FAT2: variants seen among roughly 807,000 people sequenced by gnomAD.
FAT2 encodes the protein FAT atypical cadherin 2, also known as protocadherin Fat 2.
A neutral mutation model predicts 295.3 loss-of-function variants in FAT2; 150 were observed. That is an observed-to-expected ratio of 0.51 (90% CI 0.44 to 0.58). The LOEUF is 0.58. Among genes scored for constraint, FAT2 ranks in the 20% least tolerant of loss-of-function variants. The pLI is 0.00. For missense variants in FAT2, 4,868 were observed against 5,442.7 expected, an observed-to-expected ratio of 0.89 and a Z score of 3.32; for synonymous variants, 2,026 against 2,150.3, an observed-to-expected ratio of 0.94 and a Z score of 1.60.
Position 151,573,935 on chromosome 5 carries a change from G to T in FAT2, c.-20-4984C>A, listed in dbSNP as rs149833523. ...GGGGAATCCAAGCAGAATCTGGGTG[G>T]CCACCTGAGGAGCATATTCTACTGT... On this transcript the variant is annotated intron_variant, in intron 1 of 23. Coordinates refer to ENST00000261800, the MANE Select transcript of FAT2 (RefSeq NM_001447.3). Among the ~76,000 whole-genome samples the T allele has an allele frequency of 7.1e-4, 108 of 152,248 alleles. 2 individuals are homozygous for T. The highest frequency in any genetic ancestry group is 2.5e-3 in the African/African-American group (102 of 41,544).
chr5:151,592,046 T>C (rs1006392598), upstream of FAT2, among the ~76,000 whole-genome samples: 5 of 152,188 alleles, frequency 3.3e-5, no homozygotes, highest in African/African-American at 1.2e-4. Context: ...GTTGTACAGA[T>C]TCATGAGACC....
chr5:151,560,347 A>G (rs1477547618), intron 3 of FAT2, among the ~76,000 whole-genome samples: 1 of 152,226 alleles, frequency 6.6e-6, no homozygotes, highest in African/African-American at 2.4e-5. Context: ...AGCATAGAGC[A>G]GGTAACTCAC....
chr5:151,582,838 A>G (rs1345959397), intron 1 of FAT2, among the ~76,000 whole-genome samples: 2 of 152,142 alleles, frequency 1.3e-5, no homozygotes, highest in Non-Finnish European at 2.9e-5. Context: ...TTTCCTCTGT[A>G]GGTGGTCTGC....
Position 151,542,619 on chromosome 5 carries a change from C to G in FAT2, c.8508G>C (p.Leu2836=). Residue 2836 remains leucine, a synonymous_variant, in exon 10 of 24, where the codon CTG becomes CTC. Transcript: ENST00000261800. Reference sequence around the variant, plus strand: ...GGACATTGCTACCAGGGTCTGCAGACAGCCTGTAGCTCACCTGGCCATCTC... The same window carrying G: ...GGACATTGCTACCAGGGTCTGCAGAGAGCCTGTAGCTCACCTGGCCATCTC... The part of the protein sequence containing the change: ...TGRDGQVSYR[L]SADPGSNVHE... 2 of 1,614,212 alleles carry G rather than the reference C, an allele frequency of 1.2e-6. No homozygotes were observed. The highest frequency in any genetic ancestry group is 8.5e-7 in the Non-Finnish European group (1 of 1,180,028).
intron 1 of FAT2, among the ~76,000 whole-genome samples, chr5:151,589,430 T>C (rs2127665994): frequency 6.6e-6 from 1 of 152,280 alleles, no homozygotes; most frequent in Non-Finnish European, 1.5e-5. Flanking sequence ...CTAGCTGACA[T>C]CATGGATTCA....
chr5:151,550,928 G>C, intron 7 of FAT2, 57 bp from the exon 8 acceptor site: 1 of 1,549,186 alleles, frequency 6.5e-7, no homozygotes, highest in Non-Finnish European at 8.8e-7. Flanking sequence ...ACAGGGACTG[G>C]GTCTGTCTGG....
chr5:151,568,692 AT>A lies in FAT2; in HGVS notation c.239del (p.Asn80MetfsTer16). 1.2e-6 allele frequency: 2 copies of A among 1,614,136 alleles called. No individual in the cohort carries two copies. The highest frequency in any genetic ancestry group is 1.7e-6 in the Non-Finnish European group (2 of 1,180,028). The stretch of plus-strand genomic sequence containing the variant: ...CCACATACTCCTCAGTTTTAAATAC[AT>A]TGGCCACATCCCCAGAGATGATCCG... ...RYRIISGDVA[N>X]VFKTEEYVVG... On this transcript the variant is annotated frameshift_variant, in exon 2 of 24. Transcript: ENST00000261800. LOFTEE classifies it high-confidence loss of function.
Position 151,566,187 on chromosome 5 carries a change from C to A in FAT2, c.2745G>T (p.Leu915Phe). Residue 915 changes from leucine to phenylalanine, a missense_variant, in exon 2 of 24, where the codon TTG becomes TTT. By Grantham distance (22) the Leu-to-Phe change is conservative. Coordinates refer to ENST00000261800, the MANE Select transcript of FAT2 (RefSeq NM_001447.3). ...LFSVTDLIITLEDVNDNSPQC... is the reference protein window; with the variant it reads ...LFSVTDLIITFEDVNDNSPQC... ...GGGGAGAGTTGTCGTTGACATCCTC[C>A]AATGTGATTATCAGGTCAGTGACAG... The A allele has an allele frequency of 6.2e-7, 1 of 1,614,114 alleles. No individual in the cohort carries two copies. Among genetic ancestry groups the A allele is most frequent in the Non-Finnish European group, 8.5e-7 (1 of 1,180,020 alleles).
At position 151,542,386 on chromosome 5, in the gene FAT2, G is replaced by T. The variant is rs775369235; in HGVS notation, c.8741C>A (p.Ser2914Tyr). The change falls in exon 10 of 24, where the codon TCT becomes TAT. Residue 2914 changes from serine (S) to tyrosine (Y), a missense_variant. Coordinates refer to ENST00000261800, the MANE Select transcript of FAT2 (RefSeq NM_001447.3). ...GCCAGGCTCACTGTTCTCAACCACA[G>T]ATCCTCTGTACTCTTCAGAAGCAAA... ...PRFASEEYRG[S>Y]VVENSEPGEL... 1 of 1,614,172 alleles carries T rather than the reference G, an allele frequency of 6.2e-7. No individual in the cohort carries two copies. Among genetic ancestry groups the T allele is most frequent in the East Asian group, 2.2e-5 (1 of 44,884 alleles).
At position 151,543,657 on chromosome 5, in the gene FAT2, T is replaced by C; in HGVS notation, c.7470A>G (p.Leu2490=). ...TGGTTCCAACCATTGCATTCTCTGC[T>C]AATTCTGCCTCATAAAGGTGCTGCT... ...EFQQHLYEAE[L]AENAMVGTKV... Residue 2490 remains leucine, a synonymous_variant, in exon 10 of 24, where the codon TTA becomes TTG. Transcript: ENST00000261800. 1 of 1,614,220 alleles carries C rather than the reference T, an allele frequency of 6.2e-7. No homozygotes were observed. The highest frequency in any genetic ancestry group is 1.1e-5 in the South Asian group (1 of 91,090).
At chr5:151,560,846 TG>T (rs1210431519) in intron 3 of FAT2, among the ~76,000 whole-genome samples, 1 of 152,204 alleles carries the variant, frequency 6.6e-6, no homozygotes, top group Non-Finnish European at 1.5e-5. Context: ...AACAAAACAT[TG>T]TGGATGCTGG....
intron 2 of FAT2, among the ~76,000 whole-genome samples, chr5:151,565,071 T>A (rs1381712047): frequency 6.6e-6 from 1 of 151,840 alleles, no homozygotes; most frequent in African/African-American, 2.4e-5. Context: ...CAAGACTCCA[T>A]CTCAAAAAAA....
In FAT2 at chr5:151,566,031, G is replaced by A. The variant is rs201107613; in HGVS notation, c.2901C>T (p.Gly967=). The A allele has an allele frequency of 4.7e-5, 76 of 1,614,072 alleles. No individual in the cohort carries two copies. Among genetic ancestry groups the A allele is most frequent in the Non-Finnish European group, 4.9e-5 (58 of 1,180,024 alleles). Reference sequence around the variant, plus strand: ...GGTCCACCCGGAAGGTCCCATGGGCGCCATCCATCAGAACATATCGCACTT... The same window carrying A: ...GGTCCACCCGGAAGGTCCCATGGGCACCATCCATCAGAACATATCGCACTT... ...AGEVRYVLMD[G]AHGTFRVDLM... Residue 967 remains glycine (G), a synonymous_variant, in exon 2 of 24, where the codon GGC becomes GGT. Transcript: ENST00000261800.
Position 151,553,387 on chromosome 5 carries a change from T to G in FAT2, c.3946A>C (p.Ile1316Leu). 6.2e-7 allele frequency: 1 copy of G among 1,613,936 alleles called. No homozygotes were observed. Among genetic ancestry groups the G allele is most frequent in the Non-Finnish European group, 8.5e-7 (1 of 1,179,930 alleles). Residue 1316 changes from isoleucine to leucine, a missense_variant and splice_region_variant, in exon 6 of 24, where the codon ATC becomes CTC. By Grantham distance (5) the Ile-to-Leu change is conservative. Around this residue, in one of 5 missense-constraint regions of FAT2, gnomAD observed 3,297 missense variants for 3,669.4 expected, o/e 0.90. Transcript: ENST00000261800. ...FTAGEYNILT[I>L]KATDSGQPPL... The stretch of plus-strand genomic sequence containing the variant: ...GGCTGCCCACTGTCTGTTGCCTTGA[T>G]CTGAAAGGAGGCCAACACCAAAACT...
At position 151,504,431 on chromosome 5, in the gene FAT2, T is replaced by C. The variant is rs1254937927; in HGVS notation, c.*1134A>G. 1 of 152,682 alleles carries C rather than the reference T, an allele frequency of 6.5e-6. No homozygotes were observed. The highest frequency in any genetic ancestry group is 1.9e-4 in the East Asian group (1 of 5,192). 9.5% of individuals were successfully genotyped at this position (152,682 alleles called of 1,614,324 possible). The stretch of plus-strand genomic sequence containing the variant: ...TCTACACATGTGTACACACGTACTA[T>C]CCATGGGCACCCACATGTGTAGACA... On this transcript the variant is annotated 3_prime_UTR_variant, in exon 24 of 24. Coordinates refer to ENST00000261800, the MANE Select transcript of FAT2 (RefSeq NM_001447.3).
In FAT2 at chr5:151,555,367, C is replaced by CTT. The variant is rs912481589; in HGVS notation, c.3634-696_3634-695dup. Among the ~76,000 whole-genome samples, 1,143 of 123,058 alleles carry CTT rather than the reference C, an allele frequency of 9.3e-3. 23 individuals are homozygous for CTT. Among genetic ancestry groups the CTT allele is most frequent in the African/African-American group, 0.028 (885 of 31,826 alleles). The allele number at this position is 123,058 out of a possible 152,430, so 80.7% of individuals were successfully genotyped here. A position where few individuals can be genotyped will look rare whatever the true frequency, so the allele number is the denominator to read the frequency against. ...GCTACTTCTTACTAATAATATATTTCTTTTTTTTTTTTTTTTTTTTTGAGA... is the reference window on the plus strand; with the variant it reads ...GCTACTTCTTACTAATAATATATTTCTTTTTTTTTTTTTTTTTTTTTTTGAGA... On this transcript the variant is annotated intron_variant, in intron 4 of 23. Transcript: ENST00000261800.
chr5:151,545,333 A>G lies in FAT2; in HGVS notation c.5794T>C (p.Phe1932Leu), dbSNP rs1756516326. 6.2e-7 allele frequency: 1 copy of G among 1,614,056 alleles called. No homozygotes were observed. The highest frequency in any genetic ancestry group is 1.3e-5 in the African/African-American group (1 of 74,928). The change falls in exon 10 of 24, where the codon TTC becomes CTC. Residue 1932 changes from phenylalanine (F) to leucine (L), a missense_variant. Phe to Leu is a conservative substitution (Grantham distance 22). This residue lies in a region of FAT2 where 3,297 missense variants were observed against 3,669.4 expected (regional missense o/e 0.90). Coordinates refer to ENST00000261800, the MANE Select transcript of FAT2 (RefSeq NM_001447.3). ...TGSISVLNPA[F>L]LGLSRKLTIR... ...GTGAGCTTCCGAGAGAGTCCCAGGA[A>G]AGCAGGATTCAGCACAGATATGCTA...
chr5:151,571,765 A>G (rs374748895), intron 1 of FAT2, among the ~76,000 whole-genome samples: 1 of 152,230 alleles, frequency 6.6e-6, no homozygotes, highest in African/African-American at 2.4e-5. Context: ...TTCCTAGTTC[A>G]CAACACCCAG....
At chr5:151,548,744 G>T (rs1002503687) in intron 9 of FAT2, among the ~76,000 whole-genome samples, 29 of 152,144 alleles carry the variant, frequency 1.9e-4, no homozygotes, top group Admixed American at 5.2e-4. Flanking sequence ...GCCTCCCAAA[G>T]TGCTAGGATT....
Sources: allele counts gnomAD v4.1 joint callset (sites outside exome capture counted in the v4.1 genomes callset), GRCh38; gene constraint gnomAD v4.1.1; regional missense constraint gnomAD v4.1.1; transcripts MANE v1.5; gene names NCBI Gene and HGNC (gene_info 2026-07-23, HGNC 2026-07-21).